MAMDC2: variants seen among roughly 807,000 people sequenced by gnomAD.
The protein encoded by MAMDC2 is MAM domain containing 2, also known as MAM domain-containing protein 2.
Under a neutral mutation model 89.8 loss-of-function variants are expected in MAMDC2, and 57 were observed. The observed-to-expected ratio is 0.63, with a 90% CI of 0.51 to 0.79. The LOEUF is 0.79. Ranked by LOEUF, MAMDC2 falls within the 30% of genes least tolerant of loss-of-function variation. MAMDC2 has a pLI of 0.00. For missense variants in MAMDC2, 800 were observed against 820.6 expected (o/e 0.97, Z 0.31); for synonymous variants, 313 against 293.4 (o/e 1.07, Z -0.68).
intron 9 of MAMDC2, among the ~76,000 whole-genome samples, chr9:70,156,794 G>A (rs1342645294): frequency 6.6e-6 from 1 of 152,146 alleles, no homozygotes; most frequent in Non-Finnish European, 1.5e-5. Context: ...CTTTAAATAT[G>A]AGTAAGGCAG....
At chr9:70,063,188 G>C (rs992252183) in intron 2 of MAMDC2, 2 of 152,262 alleles carry the variant, frequency 1.3e-5, no homozygotes, top group African/African-American at 4.8e-5. Flanking sequence ...CTGGGAGGTG[G>C]AGGCTGCAGA....
intron 5 of MAMDC2, among the ~76,000 whole-genome samples, chr9:70,123,788 C>T: frequency 6.6e-6 from 1 of 152,126 alleles, no homozygotes; most frequent in East Asian, 1.9e-4. Context: ...AAGGCAGAGG[C>T]CTTCAAGCCA....
intron 9 of MAMDC2, among the ~76,000 whole-genome samples, chr9:70,166,636 A>C (rs2032188141): frequency 6.6e-6 from 1 of 152,132 alleles, no homozygotes; most frequent in African/African-American, 2.4e-5. Flanking sequence ...TATTTTTAAA[A>C]TTCTGGGTGT....
chr9:70,165,589 C>A (rs958936894), intron 9 of MAMDC2, among the ~76,000 whole-genome samples: 4 of 152,174 alleles, frequency 2.6e-5, no homozygotes, highest in Admixed American at 2.0e-4. Context: ...GGTAGAACAA[C>A]CTAGACGTCT....
chr9:70,189,879 C>T (rs2032842056), intron 11 of MAMDC2, among the ~76,000 whole-genome samples: 1 of 151,980 alleles, frequency 6.6e-6, no homozygotes, highest in South Asian at 2.1e-4. Flanking sequence ...CTGCTGGGCC[C>T]TCTCATGAAT....
At chr9:70,157,049 G>A (rs2031786693) in intron 9 of MAMDC2, among the ~76,000 whole-genome samples, 1 of 152,268 alleles carries the variant, frequency 6.6e-6, no homozygotes, top group South Asian at 2.1e-4. Context: ...GGAGACATCC[G>A]AAAAGACAGA....
At chr9:70,156,577 T>C (rs996849806) in intron 9 of MAMDC2, among the ~76,000 whole-genome samples, 3 of 152,142 alleles carry the variant, frequency 2.0e-5, no homozygotes, top group Non-Finnish European at 2.9e-5. Flanking sequence ...AAAGTAGAAA[T>C]AGAAAGGTCA....
chr9:70,179,559 TA>T (rs1428683035), intron 11 of MAMDC2, among the ~76,000 whole-genome samples: 2 of 133,874 alleles, frequency 1.5e-5, no homozygotes, highest in Non-Finnish European at 3.2e-5. Context: ...AAAAATAAAA[TA>T]AAATAAGGCA....
chr9:70,162,909 C>CAAAAA (rs56289208), intron 9 of MAMDC2, among the ~76,000 whole-genome samples: 2 of 141,102 alleles, frequency 1.4e-5, no homozygotes, highest in Non-Finnish European at 3.1e-5. Context: ...CCACCCCCCT[C>CAAAAA]AAAAAAAAAA....
At chr9:70,170,376 T>C (rs768110469) in intron 10 of MAMDC2, 103 bp from the exon 11 acceptor site, 1 of 1,320,660 alleles carries the variant, frequency 7.6e-7, no homozygotes, top group Non-Finnish European at 1.0e-6. Flanking sequence ...CTCCATCGCA[T>C]GGCATATGGC....
At position 70,093,516 on chromosome 9, in the gene MAMDC2, C is replaced by T. The variant is rs143149796; in HGVS notation, c.149-14695C>T. Among the ~76,000 whole-genome samples, 590 of 151,128 alleles carry T rather than the reference C, an allele frequency of 3.9e-3. 22 individuals are homozygous for T. The East Asian group carries it at 0.087, about 22-fold the overall frequency. ...TCTCGGGTTACTGAAACCTCCACCT[C>T]CCGGGTTCAAGCAGTTCTCCTTCCT... On this transcript the variant is annotated intron_variant, in intron 2 of 13. Transcript: ENST00000377182.
At chr9:70,139,845 TTTGA>T (rs1391085192) in intron 7 of MAMDC2, among the ~76,000 whole-genome samples, 1 of 152,146 alleles carries the variant, frequency 6.6e-6, no homozygotes, top group Non-Finnish European at 1.5e-5. Context: ...TCATTGTGGT[TTTGA>T]TTTGCATTTC....
At chr9:70,153,191 T>C (rs752015351) in intron 9 of MAMDC2, 6 of 152,216 alleles carry the variant, frequency 3.9e-5, no homozygotes, top group Non-Finnish European at 7.3e-5. Flanking sequence ...TGAAAAAGGA[T>C]GAATCATGAA....
intron 11 of MAMDC2, chr9:70,217,742 A>C: frequency 8.9e-7 from 1 of 1,118,154 alleles, no homozygotes; most frequent in Non-Finnish European, 1.3e-6. Context: ...TCAAAACTAA[A>C]AAAAAGTGTC....
At chr9:70,177,979 A>C (rs1282164469) in intron 11 of MAMDC2, among the ~76,000 whole-genome samples, 1 of 152,174 alleles carries the variant, frequency 6.6e-6, no homozygotes, top group African/African-American at 2.4e-5. Flanking sequence ...TTTCTGATCT[A>C]TTTCTAGTGT....
intron 5 of MAMDC2, among the ~76,000 whole-genome samples, chr9:70,117,633 AAAAC>A (rs1191195864): frequency 1.3e-5 from 2 of 152,320 alleles, no homozygotes; most frequent in East Asian, 3.9e-4. Context: ...TTTAAAAAAA[AAAAC>A]AGTCATTAAC....
chr9:70,204,333 C>A (rs2033170369), intron 11 of MAMDC2, among the ~76,000 whole-genome samples: 1 of 151,916 alleles, frequency 6.6e-6, no homozygotes, highest in Non-Finnish European at 1.5e-5. Context: ...TGTCAGTGTG[C>A]CCCTGCTGGG....
intron 11 of MAMDC2, among the ~76,000 whole-genome samples, chr9:70,179,026 CAG>C (rs2032573421): frequency 6.6e-6 from 1 of 152,076 alleles, no homozygotes. Flanking sequence ...GCAATATTGG[CAG>C]TTTTGTTTTA....
chr9:70,055,280 C>A (rs1010651054), intron 2 of MAMDC2, among the ~76,000 whole-genome samples: 1 of 152,176 alleles, frequency 6.6e-6, no homozygotes, highest in Non-Finnish European at 1.5e-5. Context: ...CATTTACTTT[C>A]ATCATCTTTA....
Sources: allele counts gnomAD v4.1 joint callset (sites outside exome capture counted in the v4.1 genomes callset), GRCh38; gene constraint gnomAD v4.1.1; transcripts MANE v1.5; gene names NCBI Gene and HGNC (gene_info 2026-07-23, HGNC 2026-07-21).